Variants in NOC4L observed in about 807,000 individuals in gnomAD.
NOC4L encodes the protein nucleolar complex protein 4 homolog.
NOC4L carries 40 observed loss-of-function variants against 62.8 expected under a neutral mutation model. That is an observed-to-expected ratio of 0.64 (90% confidence interval 0.49 to 0.83). NOC4L has a LOEUF of 0.83. Among genes scored for constraint, NOC4L ranks in the 40% least tolerant of loss-of-function variants. The pLI is 0.00. For missense variants in NOC4L, 927 were observed against 701.9 expected (o/e 1.32, Z -3.62); for synonymous variants, 433 against 299.8 (o/e 1.44, Z -4.59).
Position 132,152,076 on chromosome 12 carries a change from T to G in NOC4L, c.1318-8T>G. The G allele has an allele frequency of 6.6e-7, 1 of 1,525,326 alleles. No homozygotes were observed. Among genetic ancestry groups the G allele is most frequent in the Non-Finnish European group, 8.9e-7 (1 of 1,126,392 alleles). 94.5% of individuals were successfully genotyped at this position (1,525,326 alleles called of 1,614,324 possible). A position where few individuals can be genotyped will look rare whatever the true frequency, so the allele number is the denominator to read the frequency against. ...GGCAGCTGCCTCTTAACGGCCCTAC[T>G]GCCCCAGGCCCTCCAGCGCCACTAC... On this transcript the variant is annotated splice_polypyrimidine_tract_variant and splice_region_variant and intron_variant, in intron 13 of 14. Transcript: ENST00000330579.
Position 132,152,467 on chromosome 12 carries a change from G to T in NOC4L, c.*66G>T. 6.7e-7 allele frequency: 1 copy of T among 1,494,536 alleles called. No homozygotes were observed. The highest frequency in any genetic ancestry group is 8.9e-7 in the Non-Finnish European group (1 of 1,117,462). The allele number at this position is 1,494,536 out of a possible 1,614,324, so 92.6% of individuals were successfully genotyped here. A position where few individuals can be genotyped will look rare whatever the true frequency, so the allele number is the denominator to read the frequency against. ...CACCTGTGAATAAATGTTTTTGCAG[G>T]AGAAAGGCTCAGGGAGTGTGGACTG... is the stretch of plus-strand genomic sequence containing the variant. On this transcript the variant is annotated 3_prime_UTR_variant, in exon 15 of 15. Coordinates refer to ENST00000330579, the MANE Select transcript of NOC4L (RefSeq NM_024078.3).
At position 132,147,118 on chromosome 12, in the gene NOC4L, G is replaced by A. The variant is rs191105778; in HGVS notation, c.346-163G>A. The stretch of plus-strand genomic sequence containing the variant: ...CATCTCTACGTCATGGGTGGGACAC[G>A]GAAGCCCAGAGTGGCATCTGGTGGC... On this transcript the variant is annotated intron_variant, in intron 3 of 14. Transcript: ENST00000330579. Among the ~76,000 whole-genome samples the A allele has an allele frequency of 6.6e-5, 10 of 152,306 alleles. No individual in the cohort carries two copies. The East Asian group carries it at 1.9e-3, about 29-fold the overall frequency.
At chr12:132,146,281 C>T (rs749632622) in intron 3 of NOC4L, 1 of 456,038 alleles carries the variant, frequency 2.2e-6, no homozygotes, top group South Asian at 1.5e-5. Context: ...TGGCTTCTTC[C>T]ACTCATCGGC....
At position 132,151,033 on chromosome 12, in the gene NOC4L, A is replaced by C. The variant is rs1394510648; in HGVS notation, c.954A>C (p.Lys318Asn). Residue 318 changes from lysine (K) to asparagine (N), a missense_variant, in exon 10 of 15, where the codon AAA (lysine) becomes AAC (asparagine). Lys to Asn is a moderately conservative substitution (Grantham distance 94). Coordinates refer to ENST00000330579, the MANE Select transcript of NOC4L (RefSeq NM_024078.3). ...ALNGLFILIHKHNLEYPDFYR... is the reference protein window; with the variant it reads ...ALNGLFILIHNHNLEYPDFYR... ...ACGGGCTGTTCATCTTGATTCACAA[A>C]CACAACCTGTGAGTGTCACCAGGGG... The C allele has an allele frequency of 7.4e-6, 12 of 1,610,818 alleles. No individual in the cohort carries two copies. The Admixed American group carries it at 1.7e-4, about 22-fold the overall frequency.
rs1224110882 is a variant in NOC4L at position 132,151,007 on chromosome 12, A to C, written c.928A>C (p.Asn310His). Residue 310 changes from asparagine (N) to histidine (H), a missense_variant, in exon 10 of 15, where the codon AAC (asparagine) becomes CAC (histidine). Asn to His is a moderately conservative substitution (Grantham distance 68). Coordinates refer to ENST00000330579, the MANE Select transcript of NOC4L (RefSeq NM_024078.3). ...LGGALSLLAL[N>H]GLFILIHKHN... is the part of the protein sequence containing the mutation. ...GGGGGCCCTCAGCCTCTTGGCCTTG[A>C]ACGGGCTGTTCATCTTGATTCACAA... 6.2e-7 allele frequency: 1 copy of C among 1,611,232 alleles called. No individual in the cohort carries two copies. The highest frequency in any genetic ancestry group is 1.1e-5 in the South Asian group (1 of 90,840).
intron 3 of NOC4L, among the ~76,000 whole-genome samples, chr12:132,146,690 T>C (rs954605209): frequency 1.3e-5 from 2 of 152,190 alleles, no homozygotes; most frequent in African/African-American, 4.8e-5. Flanking sequence ...ATAACCAGTT[T>C]CCACCTTCTC....
chr12:132,147,443 G>T, intron 4 of NOC4L, 55 bp downstream of exon 4: 1 of 1,514,004 alleles, frequency 6.6e-7, no homozygotes, highest in South Asian at 1.2e-5. Flanking sequence ...CAGATCCCAG[G>T]ATGGCCCCGT....
intron 10 of NOC4L, 62 bp downstream of exon 10, chr12:132,151,103 C>T (rs1325070901): frequency 2.0e-6 from 3 of 1,511,454 alleles, no homozygotes; most frequent in Non-Finnish European, 1.8e-6. Context: ...CCTCTGTCCC[C>T]TTCCCACCCT....
chr12:132,151,907 T>G, intron 13 of NOC4L, 87 bp downstream of exon 13: 1 of 1,382,610 alleles, frequency 7.2e-7, no homozygotes, highest in Non-Finnish European at 1.0e-6. Flanking sequence ...ACCTCCCGCA[T>G]AGCCTCATGT....
Position 132,151,948 on chromosome 12 carries a change from G to C in NOC4L, c.1317+128G>C, listed in dbSNP as rs555618299. ...CCCCAGCTGGCCACCTGGGTTTGTG[G>C]GTGCTGGGTGCTTGGCCTTCTCACG... On this transcript the variant is annotated intron_variant, in intron 13 of 14. Transcript: ENST00000330579. 3 of 1,230,982 alleles carry C rather than the reference G, an allele frequency of 2.4e-6. No homozygotes were observed. The East Asian group carries it at 7.6e-5, about 31-fold the overall frequency. 76.3% of individuals were successfully genotyped at this position (1,230,982 alleles called of 1,614,324 possible).
rs188400945 is a variant in NOC4L, at chr12:132,148,054, C to T, written c.704-18C>T. 40 of 1,613,494 alleles carry T rather than the reference C, an allele frequency of 2.5e-5. No individual in the cohort carries two copies. In the African/African-American group the frequency reaches 4.5e-4, roughly 18 times the overall value. ...TCCCCTGCGGGTCAGGTGACCTTTGCCCTCGCTTTCCCTGCAGAGCTGTGG... is the reference window on the plus strand; with the variant it reads ...TCCCCTGCGGGTCAGGTGACCTTTGTCCTCGCTTTCCCTGCAGAGCTGTGG... On this transcript the variant is annotated intron_variant, in intron 6 of 14. Coordinates refer to ENST00000330579, the MANE Select transcript of NOC4L (RefSeq NM_024078.3).
chr12:132,151,139 A>C, intron 10 of NOC4L, 98 bp downstream of exon 10: 6 of 1,420,478 alleles, frequency 4.2e-6, no homozygotes, highest in South Asian at 1.2e-5. Context: ...CGCTTTCCTC[A>C]CAGGCCATGG....
rs1340065470 is a variant in NOC4L at position 132,144,622 on chromosome 12, C to T, written c.117+17C>T. ...GTGCTGCAGGTGGGCCTGGCGGCGT[C>T]GCAGGGCCGGAGTCGCGGCACGGGA... On this transcript the variant is annotated intron_variant, in intron 1 of 14. Coordinates refer to ENST00000330579, the MANE Select transcript of NOC4L (RefSeq NM_024078.3). 2 of 1,490,726 alleles carry T rather than the reference C, an allele frequency of 1.3e-6. No homozygotes were observed. Among genetic ancestry groups the T allele is most frequent in the Admixed American group, 2.3e-5 (1 of 43,102 alleles). The allele number at this position is 1,490,726 out of a possible 1,614,324, so 92.3% of individuals were successfully genotyped here.
intron 6 of NOC4L, 37 bp downstream of exon 6, chr12:132,148,016 G>C: frequency 6.2e-7 from 1 of 1,612,914 alleles, no homozygotes; most frequent in Non-Finnish European, 8.5e-7. Flanking sequence ...ACAGGGCTGA[G>C]CCTTGGTCTG....
At position 132,144,479 on chromosome 12, in the gene NOC4L, TG is replaced by T; in HGVS notation, c.-5del. ...GCTGAGAATCCGCGTTGTTCCGTGT[TG>T]GGGGCGGCATGGAGCGGGAGCCGGG... On this transcript the variant is annotated 5_prime_UTR_variant, in exon 1 of 15. Coordinates refer to ENST00000330579, the MANE Select transcript of NOC4L (RefSeq NM_024078.3). The T allele has an allele frequency of 6.6e-7, 1 of 1,519,300 alleles. No individual in the cohort carries two copies. The allele number at this position is 1,519,300 out of a possible 1,614,324, so 94.1% of individuals were successfully genotyped here. A position where few individuals can be genotyped will look rare whatever the true frequency, so the allele number is the denominator to read the frequency against.
At position 132,145,543 on chromosome 12, in the gene NOC4L, C is replaced by A; in HGVS notation, c.239-16C>A. 6.3e-7 allele frequency: 1 copy of A among 1,593,980 alleles called. No individual in the cohort carries two copies. Among genetic ancestry groups the A allele is most frequent in the Non-Finnish European group, 8.6e-7 (1 of 1,164,386 alleles). ...TGTGGGCCTCACGTGGGCTGACCAC[C>A]CTAACCTGTCTGCAGGGTCCCAGGG... On this transcript the variant is annotated splice_polypyrimidine_tract_variant and intron_variant, in intron 2 of 14. Transcript: ENST00000330579.
In NOC4L at chr12:132,144,488, C is replaced by T. The variant is rs1897628643; in HGVS notation, c.-1C>T. ...CCGCGTTGTTCCGTGTTGGGGGCGG[C>T]ATGGAGCGGGAGCCGGGCGCCGCGG... On this transcript the variant is annotated 5_prime_UTR_variant, in exon 1 of 15. Transcript: ENST00000330579. The T allele has an allele frequency of 1.3e-6, 2 of 1,524,684 alleles. No individual in the cohort carries two copies. The highest frequency in any genetic ancestry group is 8.7e-7 in the Non-Finnish European group (1 of 1,148,510). The allele number at this position is 1,524,684 out of a possible 1,614,324, so 94.4% of individuals were successfully genotyped here. A position where few individuals can be genotyped will look rare whatever the true frequency, so the allele number is the denominator to read the frequency against.
At position 132,151,619 on chromosome 12, in the gene NOC4L, C is replaced by T; in HGVS notation, c.1209C>T (p.Val403=). The T allele has an allele frequency of 1.2e-6, 2 of 1,611,750 alleles. No individual in the cohort carries two copies. The highest frequency in any genetic ancestry group is 1.7e-6 in the Non-Finnish European group (2 of 1,179,536). The change falls in exon 12 of 15, where the codon GTC becomes GTT. Residue 403 remains valine, a synonymous_variant. Transcript: ENST00000330579. ...TGCGCCGGCACCCTGCCTGCCGGGT[C>T]CTCGTGCACCGTCCACACGGCCCTG... ...NLLRRHPACR[V]LVHRPHGPEL... is the part of the protein sequence containing the mutation.
chr12:132,146,538 C>T (rs61942924), intron 3 of NOC4L, among the ~76,000 whole-genome samples: 1 of 152,182 alleles, frequency 6.6e-6, no homozygotes, highest in East Asian at 1.9e-4. Context: ...AACTACAAGA[C>T]TGTTTTCCAT....
Sources: gnomAD v4.1 joint callset for allele counts (sites outside exome capture counted in the v4.1 genomes callset) on GRCh38, gnomAD v4.1.1 for gene constraint, MANE v1.5 for transcripts, NCBI Gene and HGNC (gene_info 2026-07-23, HGNC 2026-07-21) for gene names.